The following COL2A1 variants were observed in gnomAD, a reference collection of about 807,000 sequenced individuals.
The protein encoded by COL2A1 is collagen type II alpha 1 chain.
COL2A1 carries 28 observed loss-of-function variants against 204.5 expected under a neutral mutation model. The ratio of observed to expected loss-of-function variants is 0.14; its 90% CI spans 0.10 to 0.19. The LOEUF (loss-of-function observed/expected upper bound fraction) is 0.19, where lower values mean the gene tolerates loss of function less well. COL2A1 is among the 10% of genes least tolerant of loss of function. COL2A1 has a pLI of 1.00. For synonymous variants in COL2A1, 708 were observed against 718.7 expected, an observed-to-expected ratio of 0.99 and a Z score of 0.24; for missense variants, 1,388 against 2,027.5, an observed-to-expected ratio of 0.68 and a Z score of 6.06.
Position 47,973,463 on chromosome 12 carries a change from T to C in COL2A1, c.4408A>G (p.Ile1470Val), listed in dbSNP as rs767724615. 4 of 1,614,030 alleles carry C rather than the reference T, an allele frequency of 2.5e-6. No individual in the cohort carries two copies. The African/African-American group carries it at 5.3e-5, about 22-fold the overall frequency. ...CCGAATTCCTGCTCGGGCCCTCCTA[T>C]GTCCATGGGTGCAATGTCAATGATG... ...LPIIDIAPMDIGGPEQEFGVD... is the reference protein window; with the variant it reads ...LPIIDIAPMDVGGPEQEFGVD... The change falls in exon 54 of 54, where the codon ATA becomes GTA. Residue 1470 changes from isoleucine to valine, a missense_variant. Ile to Val is a conservative substitution (Grantham distance 29). Transcript: ENST00000380518.
chr12:47,975,237 G>A (rs1241755454), intron 51 of COL2A1, 80 bp downstream of exon 51: 2 of 1,549,076 alleles, frequency 1.3e-6, no homozygotes, highest in African/African-American at 1.4e-5. Context: ...CTGTACTAGG[G>A]GGCATCTCCT....
chr12:47,993,934 A>C (rs1939826561), intron 13 of COL2A1, 60 bp downstream of exon 13: 2 of 1,611,896 alleles, frequency 1.2e-6, no homozygotes, highest in East Asian at 4.5e-5. Context: ...CGCACCCCAA[A>C]GTGCTTTTCT....
chr12:47,997,768 C>T, intron 6 of COL2A1, 61 bp from the exon 7 acceptor site: 3 of 1,610,578 alleles, frequency 1.9e-6, no homozygotes, highest in Non-Finnish European at 2.5e-6. Flanking sequence ...GCCATCTGTC[C>T]CTTGGCTGCT....
At position 47,978,618 on chromosome 12, in the gene COL2A1, C is replaced by G; in HGVS notation, c.2874G>C (p.Glu958Asp). Residue 958 changes from glutamate (E) to aspartate (D), a missense_variant, in exon 42 of 54, where the codon GAG becomes GAC. Physicochemically the swap from Glu to Asp is conservative, Grantham distance 45. Coordinates refer to ENST00000380518, the MANE Select transcript of COL2A1 (RefSeq NM_001844.5). The surrounding 1 kb of genome is among the most constrained non-coding windows in gnomAD (Gnocchi z 5.5). ...TTACAGAGGGACCGTCATCTCCAGG[C>G]TCTCCCTTCTCGCCAGGGGGTCCAG... ...GPAGPPGEKGEPGDDGPSGAE... is the reference protein window; with the variant it reads ...GPAGPPGEKGDPGDDGPSGAE... 1 of 1,613,504 alleles carries G rather than the reference C, an allele frequency of 6.2e-7. No individual in the cohort carries two copies. Among genetic ancestry groups the G allele is most frequent in the South Asian group, 1.1e-5 (1 of 91,068 alleles).
intron 1 of COL2A1, among the ~76,000 whole-genome samples, chr12:48,003,439 G>A (rs1341486488): frequency 6.6e-6 from 1 of 152,110 alleles, no homozygotes; most frequent in Non-Finnish European, 1.5e-5. Flanking sequence ...GCGGGGAAGG[G>A]GGCGCTATTT....
intron 15 of COL2A1, among the ~76,000 whole-genome samples, 185 bp from the exon 16 acceptor site, chr12:47,993,116 G>A (rs1434208384): frequency 6.6e-6 from 1 of 152,168 alleles, no homozygotes; most frequent in Non-Finnish European, 1.5e-5. Flanking sequence ...ACACCCAACA[G>A]TTTTCTCCAC....
intron 52 of COL2A1, 94 bp from the exon 53 acceptor site, chr12:47,974,425 A>G: frequency 6.5e-7 from 1 of 1,529,850 alleles, no homozygotes. Context: ...TGGTTCAAGG[A>G]CCTCAAGGGT....
intron 37 of COL2A1, 69 bp from the exon 38 acceptor site, chr12:47,981,037 A>G (rs1215188077): frequency 4.1e-6 from 6 of 1,467,466 alleles, no homozygotes; most frequent in African/African-American, 1.4e-5. Flanking sequence ...CCCCTCCAAG[A>G]GCCCCTTGGG....
At chr12:47,992,319 T>C (rs1432015602) in intron 16 of COL2A1, among the ~76,000 whole-genome samples, 3 of 152,198 alleles carry the variant, frequency 2.0e-5, no homozygotes, top group African/African-American at 4.8e-5. Context: ...CTCGGTTTTT[T>C]CATCCGTAAA....
chr12:47,998,143 A>G (rs1392859446), intron 4 of COL2A1, 26 bp downstream of exon 4: 1 of 1,614,182 alleles, frequency 6.2e-7, no homozygotes, highest in Non-Finnish European at 8.5e-7. Flanking sequence ...CAGCTGCAAT[A>G]CCGGGTGAGA....
At chr12:48,001,611 G>C (rs983825211) in intron 1 of COL2A1, among the ~76,000 whole-genome samples, 1 of 152,218 alleles carries the variant, frequency 6.6e-6, no homozygotes, top group East Asian at 1.9e-4. Context: ...TCCCGGGGAA[G>C]GGCGGCCCGG....
chr12:47,989,866 C>G (rs1214229295), intron 16 of COL2A1, 61 bp from the exon 17 acceptor site: 21 of 1,511,986 alleles, frequency 1.4e-5, no homozygotes, highest in African/African-American at 2.7e-5. Flanking sequence ...TCCCTGCTCC[C>G]AGCCCACCCT....
chr12:47,973,623 C>T, intron 53 of COL2A1, 70 bp from the exon 54 acceptor site: 1 of 1,582,972 alleles, frequency 6.3e-7, no homozygotes. Flanking sequence ...TGCCCAGAAG[C>T]CCAAAACTGA....
At chr12:47,997,993 C>A (rs1345916152) in intron 5 of COL2A1, 39 bp downstream of exon 5, 6 of 1,614,132 alleles carry the variant, frequency 3.7e-6, no homozygotes, top group Admixed American at 3.3e-5. Flanking sequence ...TTGCGCGCAG[C>A]GAGGAAGGGA....
rs577169763 is a variant in COL2A1 at position 47,992,785 on chromosome 12, C to A, written c.1023+93G>T. On this transcript the variant is annotated intron_variant, in intron 16 of 53. Transcript: ENST00000380518. The stretch of plus-strand genomic sequence containing the variant: ...TTAAGGGATAACAATACTCCCTATG[C>A]CTCACAGGGTTGTTTCGAGGGTCAA... The A allele has an allele frequency of 2.4e-5, 31 of 1,284,432 alleles. 1 individual carries two copies. The South Asian group carries it at 3.6e-4, about 15-fold the overall frequency. 79.6% of individuals were successfully genotyped at this position (1,284,432 alleles called of 1,614,324 possible).
intron 44 of COL2A1, 65 bp from the exon 45 acceptor site, chr12:47,977,718 C>A: frequency 6.5e-7 from 1 of 1,539,348 alleles, no homozygotes; most frequent in Non-Finnish European, 8.9e-7. Flanking sequence ...TCTGCTCCCC[C>A]AGCCCCTCTC....
chr12:47,974,867 A>G lies in COL2A1; in HGVS notation c.3887-5T>C. ...TGGGGTCAATCCAGTAGTCTCCTGC[A>G]GGGGGAAGAGGCAGCACCCATGGGG... is the stretch of plus-strand genomic sequence containing the variant. On this transcript the variant is annotated splice_polypyrimidine_tract_variant and splice_region_variant and intron_variant, in intron 51 of 53. Transcript: ENST00000380518. The G allele has an allele frequency of 6.2e-7, 1 of 1,612,516 alleles. No individual in the cohort carries two copies. Among genetic ancestry groups the G allele is most frequent in the Non-Finnish European group, 8.5e-7 (1 of 1,178,916 alleles).
intron 16 of COL2A1, among the ~76,000 whole-genome samples, chr12:47,992,642 T>C (rs934685642): frequency 3.3e-5 from 5 of 152,136 alleles, no homozygotes; most frequent in African/African-American, 4.8e-5. Context: ...TACCTGATAA[T>C]CTGGACTGGT....
intron 1 of COL2A1, chr12:48,002,855 C>G (rs1940298283): frequency 6.6e-6 from 1 of 152,304 alleles, no homozygotes; most frequent in Admixed American, 6.5e-5. Flanking sequence ...CCCGGCTCCT[C>G]GCAGCTGCGC....
Sources: allele counts gnomAD v4.1 joint callset (sites outside exome capture counted in the v4.1 genomes callset), GRCh38; gene constraint gnomAD v4.1.1; non-coding constraint Gnocchi (gnomAD v3.1); transcripts MANE v1.5; gene names NCBI Gene and HGNC (gene_info 2026-07-23, HGNC 2026-07-21).